RELL1: variants seen among roughly 807,000 people sequenced by gnomAD.
RELL1 encodes the protein RELT like 1, also known as RELT-like protein 1.
RELL1 carries 10 observed loss-of-function variants against 23.0 expected under a neutral mutation model. The ratio of observed to expected loss-of-function variants is 0.43; its 90% CI spans 0.27 to 0.74. RELL1 has a LOEUF of 0.74. RELL1 is among the 30% of genes least tolerant of loss of function. RELL1 has a pLI of 0.19. For synonymous variants in RELL1, 146 were observed against 146.8 expected, an observed-to-expected ratio of 0.99 and a Z score of 0.04; for missense variants, 315 against 364.4, an observed-to-expected ratio of 0.86 and a Z score of 1.10.
intron 3 of RELL1, among the ~76,000 whole-genome samples, chr4:37,640,741 C>T (rs1047481494): frequency 6.4e-5 from 9 of 141,476 alleles, no homozygotes; most frequent in South Asian, 2.3e-4. Flanking sequence ...AAGGATGCAA[C>T]CATCCATTTT....
chr4:37,673,276 C>T (rs1416360992), intron 1 of RELL1, among the ~76,000 whole-genome samples: 1 of 139,118 alleles, frequency 7.2e-6, no homozygotes, highest in Non-Finnish European at 1.5e-5. Context: ...TGCAGCCTTG[C>T]ACCTCTGGGC....
At chr4:37,673,873 C>A (rs1382042389) in intron 1 of RELL1, among the ~76,000 whole-genome samples, 1 of 152,180 alleles carries the variant, frequency 6.6e-6, no homozygotes, top group African/African-American at 2.4e-5. Context: ...TAACCTCAGT[C>A]TCCCCTCTGC....
At chr4:37,686,165 A>G in intron 1 of RELL1, 35 bp downstream of exon 1, 1 of 1,534,378 alleles carries the variant, frequency 6.5e-7, no homozygotes, top group Non-Finnish European at 8.8e-7. Context: ...GACCGGGCTC[A>G]GCACCCGGCG....
At chr4:37,592,235 A>G (rs976445350) in intron 6 of RELL1, among the ~76,000 whole-genome samples, 6 of 149,966 alleles carry the variant, frequency 4.0e-5, no homozygotes. Flanking sequence ...AAAAGAGCTA[A>G]GCTAGGCACA....
intron 6 of RELL1, among the ~76,000 whole-genome samples, chr4:37,597,472 C>A (rs1718893699): frequency 6.6e-6 from 1 of 152,154 alleles, no homozygotes; most frequent in Admixed American, 6.5e-5. Context: ...ATTTCTAGGT[C>A]CAACTCATTC....
chr4:37,588,508 A>C, downstream of RELL1: 1 of 205,790 alleles, frequency 4.9e-6, no homozygotes, highest in Non-Finnish European at 9.9e-6. Flanking sequence ...TGTAGAAGGT[A>C]ACAGATTAGA....
chr4:37,619,776 G>T (rs1560331824), intron 6 of RELL1, among the ~76,000 whole-genome samples: 1 of 151,912 alleles, frequency 6.6e-6, no homozygotes, highest in South Asian at 2.1e-4. Flanking sequence ...TCACTATGTT[G>T]CCCAGGCTGG....
At chr4:37,595,817 G>C (rs866583723) in intron 6 of RELL1, among the ~76,000 whole-genome samples, 2 of 152,166 alleles carry the variant, frequency 1.3e-5, no homozygotes, top group Non-Finnish European at 2.9e-5. Flanking sequence ...ATCCCAAATT[G>C]AGACAAAAAC....
chr4:37,592,320 A>C (rs1192552966), intron 6 of RELL1, among the ~76,000 whole-genome samples: 1 of 150,592 alleles, frequency 6.6e-6, no homozygotes, highest in Non-Finnish European at 1.5e-5. Context: ...ATTCGAGACC[A>C]ACCTGGGCAA....
intron 6 of RELL1, among the ~76,000 whole-genome samples, chr4:37,592,353 G>GGAAA (rs35282918): frequency 2.8e-5 from 3 of 108,196 alleles, no homozygotes; most frequent in Non-Finnish European, 2.0e-5. Context: ...CCATCTCTAT[G>GGAAA]AAAAAAAAAA....
intron 4 of RELL1, among the ~76,000 whole-genome samples, chr4:37,636,177 C>A (rs1320673028): frequency 6.6e-6 from 1 of 152,152 alleles, no homozygotes; most frequent in Non-Finnish European, 1.5e-5. Context: ...GAGATCCAAA[C>A]CTAGAAAGTT....
downstream of RELL1, chr4:37,590,478 C>T: frequency 3.7e-6 from 6 of 1,611,136 alleles, no homozygotes; most frequent in Non-Finnish European, 5.1e-6. Flanking sequence ...AAGGAGGGGG[C>T]ACCAGGAAAC....
intron 6 of RELL1, among the ~76,000 whole-genome samples, chr4:37,599,794 C>A (rs577419569): frequency 6.6e-6 from 1 of 152,314 alleles, no homozygotes; most frequent in East Asian, 1.9e-4. Flanking sequence ...AAGGTTGAGG[C>A]AGATCCAGGG....
chr4:37,629,950 C>T (rs935743060), intron 6 of RELL1, among the ~76,000 whole-genome samples: 8 of 152,178 alleles, frequency 5.3e-5, no homozygotes, highest in Admixed American at 1.3e-4. Context: ...ATCTCACTCC[C>T]GCCCCTGAGG....
intron 3 of RELL1, among the ~76,000 whole-genome samples, chr4:37,639,552 G>A (rs1436913598): frequency 1.3e-5 from 2 of 151,406 alleles, no homozygotes; most frequent in Non-Finnish European, 2.9e-5. Context: ...AGATTCTTGA[G>A]TCCCCCAACC....
intron 6 of RELL1, among the ~76,000 whole-genome samples, chr4:37,598,339 T>C (rs1233652685): frequency 3.0e-5 from 3 of 100,166 alleles, no homozygotes; most frequent in African/African-American, 1.1e-4. Flanking sequence ...TACTTCAAAA[T>C]AATTTGCCAA....
chr4:37,605,628 G>A (rs1719168659), intron 6 of RELL1, among the ~76,000 whole-genome samples: 2 of 151,686 alleles, frequency 1.3e-5, no homozygotes, highest in African/African-American at 4.8e-5. Flanking sequence ...TGTAATCCCA[G>A]CTACTCAGGA....
At position 37,660,152 on chromosome 4, in the gene RELL1, G is replaced by C. The variant is rs188923410; in HGVS notation, c.89-10652C>G. 1.6e-4 allele frequency among the ~76,000 whole-genome samples: 25 copies of C among 152,020 alleles called. No homozygotes were observed. The East Asian group carries it at 4.8e-3, about 29-fold the overall frequency. On this transcript the variant is annotated intron_variant, in intron 1 of 6. Coordinates refer to ENST00000454158, the MANE Select transcript of RELL1 (RefSeq NM_001085400.2). ...TGAGAAGGGTCTATTTTTTGGTCTA[G>C]ATTACCAAGATGGCTAAATGTCTAA...
intron 6 of RELL1, among the ~76,000 whole-genome samples, chr4:37,618,887 C>CTT (rs749132786): frequency 6.0e-5 from 9 of 150,954 alleles, no homozygotes; most frequent in Non-Finnish European, 1.3e-4. Context: ...CTTTTCTTTT[C>CTT]TTTTCTTTTG....
Sources: allele counts gnomAD v4.1 joint callset (sites outside exome capture counted in the v4.1 genomes callset), GRCh38; gene constraint gnomAD v4.1.1; transcripts MANE v1.5; gene names NCBI Gene and HGNC (gene_info 2026-07-23, HGNC 2026-07-21).